CNTNAP4: variants seen among roughly 807,000 people sequenced by gnomAD.
CNTNAP4 encodes contactin-associated protein-like 4.
Under a neutral mutation model 148.4 loss-of-function variants are expected in CNTNAP4, and 98 were observed. That is an observed-to-expected ratio of 0.66 (90% CI 0.56 to 0.78). CNTNAP4 has a LOEUF of 0.78. Ranked by LOEUF, CNTNAP4 falls within the 30% of genes least tolerant of loss-of-function variation. The pLI is 0.00. For missense variants in CNTNAP4, 1,935 were observed against 1,565.6 expected, an observed-to-expected ratio of 1.24 and a Z score of -3.98; for synonymous variants, 730 against 565.1, an observed-to-expected ratio of 1.29 and a Z score of -4.14.
At chr16:76,426,519 T>A (rs370171606) in intron 3 of CNTNAP4, among the ~76,000 whole-genome samples, 1 of 152,196 alleles carries the variant, frequency 6.6e-6, no homozygotes, top group Admixed American at 6.5e-5. Context: ...GAACAACTTC[T>A]GCTTCATGCT....
intron 3 of CNTNAP4, among the ~76,000 whole-genome samples, chr16:76,386,741 C>G (rs745850100): frequency 2.0e-5 from 3 of 151,962 alleles, no homozygotes; most frequent in Non-Finnish European, 4.4e-5. Context: ...TATGATATCT[C>G]TATAAAAAAG....
intron 2 of CNTNAP4, among the ~76,000 whole-genome samples, chr16:76,320,559 A>G (rs573229798): frequency 6.6e-6 from 1 of 152,284 alleles, no homozygotes; most frequent in East Asian, 1.9e-4. Context: ...GAATAGAGAG[A>G]AGGTTATCTA....
intron 3 of CNTNAP4, among the ~76,000 whole-genome samples, chr16:76,423,145 C>T (rs1167329418): frequency 6.6e-6 from 1 of 152,116 alleles, no homozygotes; most frequent in Non-Finnish European, 1.5e-5. Flanking sequence ...ACTTTCCAGC[C>T]TCCAGAACTG....
intron 23 of CNTNAP4, 44 bp downstream of exon 23, chr16:76,553,951 A>G (rs772793082): frequency 1.7e-6 from 2 of 1,176,738 alleles, no homozygotes; most frequent in South Asian, 2.6e-5. Flanking sequence ...TGTTCTTATT[A>G]ATAATGATGA....
intron 13 of CNTNAP4, among the ~76,000 whole-genome samples, chr16:76,492,537 T>G (rs1383985845): frequency 1.3e-5 from 2 of 152,094 alleles, no homozygotes; most frequent in East Asian, 3.9e-4. Flanking sequence ...TAAAAGGGCT[T>G]GATATGGTTT....
chr16:76,558,439 A>G, intron 23 of CNTNAP4, 51 bp from the exon 24 acceptor site: 1 of 1,055,928 alleles, frequency 9.5e-7, no homozygotes, highest in South Asian at 1.5e-5. Flanking sequence ...AAGTCAGCAC[A>G]GTTTCTATTT....
At chr16:76,303,301 G>C (rs74674360) in intron 1 of CNTNAP4, among the ~76,000 whole-genome samples, 1 of 151,944 alleles carries the variant, frequency 6.6e-6, no homozygotes, top group Non-Finnish European at 1.5e-5. Flanking sequence ...TTATCACTAG[G>C]AAACATTTCA....
chr16:76,451,599 A>ATTGTGTGTGTG (rs373330383), intron 7 of CNTNAP4, among the ~76,000 whole-genome samples: 1 of 141,258 alleles, frequency 7.1e-6, no homozygotes, highest in Non-Finnish European at 1.5e-5. Context: ...TTTTAGATAG[A>ATTGTGTGTGTG]TGTGTGTGTG....
intron 2 of CNTNAP4, among the ~76,000 whole-genome samples, chr16:76,333,779 G>GTTTTTTTT (rs549878036): frequency 2.2e-5 from 1 of 45,618 alleles, no homozygotes; most frequent in East Asian, 6.7e-4. Flanking sequence ...TGGGTTATAG[G>GTTTTTTTT]TTTTTTTTTT....
intron 10 of CNTNAP4, among the ~76,000 whole-genome samples, chr16:76,475,334 C>A (rs1182613167): frequency 6.6e-6 from 1 of 152,164 alleles, no homozygotes; most frequent in African/African-American, 2.4e-5. Flanking sequence ...AACTAAACTA[C>A]CTCAAGCTAG....
At chr16:76,365,056 G>C (rs1205469018) in intron 3 of CNTNAP4, among the ~76,000 whole-genome samples, 1 of 152,162 alleles carries the variant, frequency 6.6e-6, no homozygotes, top group Non-Finnish European at 1.5e-5. Flanking sequence ...TTTGCATAAG[G>C]TGTGAGGAAG....
chr16:76,312,846 T>G (rs73620907), intron 1 of CNTNAP4, among the ~76,000 whole-genome samples: 15,817 of 152,234 alleles, frequency 0.1, 2,710 homozygotes, highest in African/African-American at 0.36. Context: ...GGGTAAAGAT[T>G]AGTTACTATG....
intron 3 of CNTNAP4, among the ~76,000 whole-genome samples, chr16:76,389,227 G>A (rs1223641260): frequency 6.6e-6 from 1 of 152,108 alleles, no homozygotes; most frequent in African/African-American, 2.4e-5. Flanking sequence ...AATGCAAATG[G>A]TTCCATTTGT....
At chr16:76,379,090 T>C (rs1181973673) in intron 3 of CNTNAP4, among the ~76,000 whole-genome samples, 7 of 152,154 alleles carry the variant, frequency 4.6e-5, no homozygotes, top group Admixed American at 4.6e-4. Context: ...GACTCAAAGA[T>C]CCATGCTCAT....
intron 3 of CNTNAP4, among the ~76,000 whole-genome samples, chr16:76,389,220 G>A (rs757017154): frequency 1.3e-5 from 2 of 152,140 alleles, no homozygotes; most frequent in Non-Finnish European, 2.9e-5. Context: ...CTCAGGCAAT[G>A]CAAATGGTTC....
intron 3 of CNTNAP4, among the ~76,000 whole-genome samples, chr16:76,426,193 A>G (rs2079393998): frequency 6.6e-6 from 1 of 152,192 alleles, no homozygotes; most frequent in Non-Finnish European, 1.5e-5. Context: ...ATTTAACTAT[A>G]AAACACCCAA....
intron 15 of CNTNAP4, among the ~76,000 whole-genome samples, chr16:76,501,246 G>A (rs1230191258): frequency 6.6e-6 from 1 of 152,206 alleles, no homozygotes; most frequent in Non-Finnish European, 1.5e-5. Context: ...GTAAACTTCG[G>A]ATGCATCCAG....
intron 4 of CNTNAP4, among the ~76,000 whole-genome samples, chr16:76,434,941 T>C (rs1041141791): frequency 5.3e-5 from 8 of 152,190 alleles, no homozygotes; most frequent in African/African-American, 1.9e-4. Flanking sequence ...ACCACAATGA[T>C]GTTTTAGGTC....
rs112943329 is a variant in CNTNAP4, at chr16:76,521,892, G to A, written c.2537-147G>A. 3.4e-5 allele frequency: 25 copies of A among 734,442 alleles called. 1 individual carries two copies. The highest frequency in any genetic ancestry group is 2.9e-4 in the African/African-American group (17 of 57,862). 45.5% of individuals were successfully genotyped at this position (734,442 alleles called of 1,614,324 possible). A position where few individuals can be genotyped will look rare whatever the true frequency, so the allele number is the denominator to read the frequency against. ...ACCTAGCTCTGTGTCAGTGTCATGA[G>A]TTTCAAACAATAGCATTGAAACCAT... On this transcript the variant is annotated intron_variant, in intron 16 of 23. Transcript: ENST00000611870.
Sources: allele counts gnomAD v4.1 joint callset (sites outside exome capture counted in the v4.1 genomes callset), GRCh38; gene constraint gnomAD v4.1.1; transcripts MANE v1.5; gene names NCBI Gene and HGNC (gene_info 2026-07-23, HGNC 2026-07-21).